Variants in PASK observed in about 807,000 individuals in gnomAD.
PASK encodes the protein PAS domain-containing serine/threonine-protein kinase.
PASK carries 110 observed loss-of-function variants against 121.0 expected under a neutral mutation model. That is an observed-to-expected ratio of 0.91 (90% confidence interval 0.78 to 1.06). PASK has a LOEUF of 1.06. PASK is among the 50% of genes least tolerant of loss of function. The pLI, the probability that PASK is intolerant of heterozygous loss-of-function variation, is 0.00. For missense variants in PASK, 1,643 were observed against 1,702.3 expected, an observed-to-expected ratio of 0.97 and a Z score of 0.61; for synonymous variants, 686 against 717.8, an observed-to-expected ratio of 0.96 and a Z score of 0.71.
Position 241,107,333 on chromosome 2 carries a change from G to C in PASK, c.3814+20C>G, listed in dbSNP as rs1330721069. The C allele has an allele frequency of 6.2e-7, 1 of 1,609,400 alleles. No individual in the cohort carries two copies. The highest frequency in any genetic ancestry group is 1.1e-5 in the South Asian group (1 of 90,976). On this transcript the variant is annotated intron_variant, in intron 17 of 17. Coordinates refer to ENST00000234040, the MANE Select transcript of PASK (RefSeq NM_015148.4). ...TCCAAGTGAAGTCATGTGGGGTGGA[G>C]GGATGCTGAGAAGCCTCACCTGGCT... is the stretch of plus-strand genomic sequence containing the variant.
At position 241,106,510 on chromosome 2, in the gene PASK, C is replaced by A. The variant is rs2064884973; in HGVS notation, c.*56G>T. On this transcript the variant is annotated 3_prime_UTR_variant, in exon 18 of 18. Coordinates refer to ENST00000234040, the MANE Select transcript of PASK (RefSeq NM_015148.4). ...TGTATTTTCTCCAAACAGATGGAGC[C>A]TGAAAACTGTGTGATTTTCCAAACC... 1.3e-6 allele frequency: 2 copies of A among 1,579,426 alleles called. No individual in the cohort carries two copies.
chr2:241,123,321 G>A (rs377582598), intron 11 of PASK, among the ~76,000 whole-genome samples: 10 of 151,818 alleles, frequency 6.6e-5, no homozygotes, highest in South Asian at 6.2e-4. Flanking sequence ...GACTACAGGC[G>A]CCCACCACTA....
upstream of PASK, chr2:241,149,675 G>C: frequency 6.5e-7 from 1 of 1,547,574 alleles, no homozygotes; most frequent in Non-Finnish European, 8.7e-7. Flanking sequence ...GGGCCGGGCA[G>C]ATGCGGTTTC....
chr2:241,119,091 A>C, intron 12 of PASK: 2 of 283,986 alleles, frequency 7.0e-6, no homozygotes, highest in Non-Finnish European at 1.1e-5. Context: ...AAGCCCACAA[A>C]CCAAAGATAC....
chr2:241,107,924 C>T (rs2064954030), intron 16 of PASK, among the ~76,000 whole-genome samples: 1 of 152,214 alleles, frequency 6.6e-6, no homozygotes, highest in South Asian at 2.1e-4. Flanking sequence ...CTTGGAGCCT[C>T]CCTGTCCTGA....
At chr2:241,130,399 GT>G (rs1295821234) in intron 9 of PASK, among the ~76,000 whole-genome samples, 1 of 152,172 alleles carries the variant, frequency 6.6e-6, no homozygotes, top group Non-Finnish European at 1.5e-5. Flanking sequence ...TGGAAGATGA[GT>G]TGTGTCCAAG....
chr2:241,108,753 A>G lies in PASK; in HGVS notation c.3534-453T>C. On this transcript the variant is annotated intron_variant, in intron 15 of 17. Coordinates refer to ENST00000234040, the MANE Select transcript of PASK (RefSeq NM_015148.4). This position sits in a 1 kb window ranked among gnomAD's most constrained non-coding sequence, Gnocchi z 5.2. Reference sequence around the variant, plus strand: ...GGGCTTGGTGTGACCATGGACACACATGCCCTTTAGGAAGATGGCTGTGGC... The same window carrying G: ...GGGCTTGGTGTGACCATGGACACACGTGCCCTTTAGGAAGATGGCTGTGGC... The G allele has an allele frequency of 6.7e-6, 2 of 297,884 alleles. 1 individual carries two copies. Among genetic ancestry groups the G allele is most frequent in the South Asian group, 6.4e-5 (2 of 31,322 alleles). The allele number at this position is 297,884 out of a possible 1,614,324, so 18.5% of individuals were successfully genotyped here. A position where few individuals can be genotyped will look rare whatever the true frequency, so the allele number is the denominator to read the frequency against.
intron 1 of PASK, among the ~76,000 whole-genome samples, chr2:241,144,145 T>A (rs2066843164): frequency 6.6e-6 from 1 of 151,150 alleles, no homozygotes; most frequent in African/African-American, 2.4e-5. Context: ...CATGTGTACA[T>A]GAGCGTGTGT....
chr2:241,137,187 T>C lies in PASK; in HGVS notation c.954A>G (p.Gln318=). 1 of 1,612,332 alleles carries C rather than the reference T, an allele frequency of 6.2e-7. No individual in the cohort carries two copies. Among genetic ancestry groups the C allele is most frequent in the Non-Finnish European group, 8.5e-7 (1 of 1,178,564 alleles). The stretch of plus-strand genomic sequence containing the variant: ...CGGTGGTCGCCTCCTCGCTGCTGGG[T>C]TGGGATTTCAGCTTTAAGCTCAGAG... ...TFPLSLKLKS[Q]PSSEEATTGE... Residue 318 remains glutamine, a synonymous_variant, in exon 7 of 18, where the codon CAA becomes CAG. Transcript: ENST00000234040.
chr2:241,114,126 AG>A (rs2065227728), intron 14 of PASK: 5 of 985,386 alleles, frequency 5.1e-6, no homozygotes, highest in Non-Finnish European at 4.8e-6. Context: ...AAAAAGTTTC[AG>A]AAACAAGTGT....
At chr2:241,118,421 A>T (rs1655253610) in intron 12 of PASK, among the ~76,000 whole-genome samples, 1 of 152,210 alleles carries the variant, frequency 6.6e-6, no homozygotes, top group African/African-American at 2.4e-5. Context: ...CAAGGGTGCC[A>T]AAAACCACTC....
In PASK at chr2:241,106,345, G is replaced by C. The variant is rs2064879585; in HGVS notation, c.*221C>G. The C allele has an allele frequency of 3.3e-6, 2 of 602,414 alleles. No individual in the cohort carries two copies. Among genetic ancestry groups the C allele is most frequent in the African/African-American group, 3.7e-5 (2 of 53,822 alleles). 37.3% of individuals were successfully genotyped at this position (602,414 alleles called of 1,614,324 possible). On this transcript the variant is annotated 3_prime_UTR_variant, in exon 18 of 18. Coordinates refer to ENST00000234040, the MANE Select transcript of PASK (RefSeq NM_015148.4). Reference sequence around the variant, plus strand: ...ATATAAAACAGTTGAACACTGGAATGTTTTTTTCTAGGTCATGAAAAAAGT... The same window carrying C: ...ATATAAAACAGTTGAACACTGGAATCTTTTTTTCTAGGTCATGAAAAAAGT...
rs563432464 is a variant in PASK at position 241,108,166 on chromosome 2, C to A, written c.3667+1G>T. 1 of 1,614,210 alleles carries A rather than the reference C, an allele frequency of 6.2e-7. No homozygotes were observed. The highest frequency in any genetic ancestry group is 2.2e-5 in the East Asian group (1 of 44,880). On this transcript the variant is annotated splice_donor_variant, in intron 16 of 17. Coordinates refer to ENST00000234040, the MANE Select transcript of PASK (RefSeq NM_015148.4). LOFTEE classifies it high-confidence loss of function. The surrounding 1 kb of genome is among the most constrained non-coding windows in gnomAD (Gnocchi z 5.2). ...GTCTACCACTTGCAGCTCACGCTCA[C>A]CTTTGGACACCAGGTATGGCGGGTG...
chr2:241,124,455 A>ACAACCCC (rs1164893000), intron 10 of PASK, among the ~76,000 whole-genome samples: 5 of 152,240 alleles, frequency 3.3e-5, no homozygotes, highest in Admixed American at 2.6e-4. Context: ...GAGGGTGCAG[A>ACAACCCC]CAACCCCCAA....
At chr2:241,131,748 C>A (rs988639288) in intron 9 of PASK, among the ~76,000 whole-genome samples, 2 of 152,094 alleles carry the variant, frequency 1.3e-5, no homozygotes, top group African/African-American at 4.8e-5. Context: ...ACCTTTACTG[C>A]ATGCTGTGCA....
chr2:241,110,839 G>A (rs2065082039), intron 15 of PASK, among the ~76,000 whole-genome samples: 1 of 152,212 alleles, frequency 6.6e-6, no homozygotes, highest in Non-Finnish European at 1.5e-5. Flanking sequence ...GATCTGAAGG[G>A]AAACTCCACG....
At chr2:241,140,319 C>T (rs1007045288) in intron 3 of PASK, among the ~76,000 whole-genome samples, 2 of 152,048 alleles carry the variant, frequency 1.3e-5, no homozygotes, top group African/African-American at 4.8e-5. Flanking sequence ...TGTGTGCCAC[C>T]GCACCTGGCT....
rs139239851 is a variant in PASK at position 241,138,774 on chromosome 2, A to G, written c.621T>C (p.Ser207=). ...ACACAGACACTGGAATCTTCTCCCC[A>G]CTACGGCTGATGATGTCCACCTGTG... ...FGTVVDIISR[S]GEKIPVSVWM... The change falls in exon 5 of 18, where the codon AGT becomes AGC. Residue 207 remains serine (S), a synonymous_variant. Coordinates refer to ENST00000234040, the MANE Select transcript of PASK (RefSeq NM_015148.4). 34 of 1,613,998 alleles carry G rather than the reference A, an allele frequency of 2.1e-5. No individual in the cohort carries two copies. In the African/African-American group the frequency reaches 4.3e-4, roughly 20 times the overall value.
chr2:241,109,973 A>G (rs977613664), intron 15 of PASK, among the ~76,000 whole-genome samples: 1 of 152,256 alleles, frequency 6.6e-6, no homozygotes, highest in African/African-American at 2.4e-5. Context: ...AACTTTATTT[A>G]TAGAAACAAG....
Sources: gnomAD v4.1 joint callset for allele counts (sites outside exome capture counted in the v4.1 genomes callset) on GRCh38, gnomAD v4.1.1 for gene constraint, Gnocchi (gnomAD v3.1) non-coding constraint, MANE v1.5 for transcripts, NCBI Gene and HGNC (gene_info 2026-07-23, HGNC 2026-07-21) for gene names.